GATB: variants seen among roughly 807,000 people sequenced by gnomAD.
GATB encodes glutamyl-tRNA(Gln) amidotransferase subunit B, mitochondrial.
Under a neutral mutation model 62.3 loss-of-function variants are expected in GATB, and 39 were observed. The ratio of observed to expected loss-of-function variants is 0.63; its 90% CI spans 0.48 to 0.82. The LOEUF is 0.82. GATB is among the 40% of genes least tolerant of loss of function. The probability of loss-of-function intolerance (pLI) is 0.00; values close to 1 mark genes in which losing one functional copy is unlikely to be tolerated. For missense variants in GATB, 670 were observed against 684.0 expected (o/e 0.98, Z 0.23); for synonymous variants, 276 against 258.9 (o/e 1.07, Z -0.63).
At chr4:151,672,432 G>T (rs1578889718) in intron 12 of GATB, among the ~76,000 whole-genome samples, 2 of 152,126 alleles carry the variant, frequency 1.3e-5, no homozygotes, top group East Asian at 3.8e-4. Context: ...CAACAGATTC[G>T]AAATGCCAAC....
chr4:151,758,813 A>C lies in GATB; in HGVS notation c.286T>G (p.Leu96Val). 6.2e-7 allele frequency: 1 copy of C among 1,609,066 alleles called. No individual in the cohort carries two copies. The highest frequency in any genetic ancestry group is 8.5e-7 in the Non-Finnish European group (1 of 1,177,674). The stretch of plus-strand genomic sequence containing the variant: ...AGAGATGCATCAAAAAAAGAAACCA[A>C]AGAATTTGGAGGTGCTGAAAAGCGA... Reference protein sequence around the residue: ...QVRFSAPPNSLVSFFDASLPG... With the variant: ...QVRFSAPPNSVVSFFDASLPG... The change falls in exon 2 of 13, where the codon TTG becomes GTG. Residue 96 changes from leucine to valine, a missense_variant. Transcript: ENST00000263985.
intron 2 of GATB, among the ~76,000 whole-genome samples, chr4:151,731,772 G>C (rs1003288050): frequency 6.6e-6 from 1 of 150,938 alleles, no homozygotes; most frequent in African/African-American, 2.5e-5. Flanking sequence ...CTGTGACCCC[G>C]TCTGGGAGGT....
At chr4:151,725,833 T>C (rs1739127177) in intron 2 of GATB, among the ~76,000 whole-genome samples, 1 of 152,262 alleles carries the variant, frequency 6.6e-6, no homozygotes, top group Admixed American at 6.5e-5. Context: ...ATTGAATGTC[T>C]TTCTAAATAG....
intron 11 of GATB, chr4:151,673,899 G>A (rs1206504219): frequency 2.0e-5 from 3 of 152,202 alleles, no homozygotes; most frequent in African/African-American, 7.2e-5. Context: ...ATTCCTCCTG[G>A]AAAAACAGAG....
At chr4:151,691,296 T>G (rs1192522664) in intron 9 of GATB, among the ~76,000 whole-genome samples, 1 of 152,078 alleles carries the variant, frequency 6.6e-6, no homozygotes, top group Non-Finnish European at 1.5e-5. Context: ...GAGAGTCAAG[T>G]TCCCTGGCTG....
intron 10 of GATB, among the ~76,000 whole-genome samples, chr4:151,686,090 C>T (rs1738239056): frequency 6.6e-6 from 1 of 152,038 alleles, no homozygotes; most frequent in African/African-American, 2.4e-5. Context: ...AAAGAGGCAG[C>T]AGATGCCACA....
chr4:151,715,037 A>C (rs1168529240), intron 5 of GATB, among the ~76,000 whole-genome samples: 1 of 152,214 alleles, frequency 6.6e-6, no homozygotes, highest in Non-Finnish European at 1.5e-5. Flanking sequence ...TATGTGACAA[A>C]TGTGGCATTA....
chr4:151,700,463 ATGT>A (rs1296467323), intron 9 of GATB, among the ~76,000 whole-genome samples: 1 of 152,188 alleles, frequency 6.6e-6, no homozygotes, highest in Non-Finnish European at 1.5e-5. Context: ...AAATGCTAGG[ATGT>A]TGTTATTGGA....
In GATB at chr4:151,730,930, C is replaced by T. The variant is rs2126985809; in HGVS notation, c.328-11392G>A. Reference sequence around the variant, plus strand: ...AATGAATCCAAATCAAGAAGAAATCCCTGATTTACCTGAAAAAGAATTCAG... The same window carrying T: ...AATGAATCCAAATCAAGAAGAAATCTCTGATTTACCTGAAAAAGAATTCAG... On this transcript the variant is annotated intron_variant, in intron 2 of 12. Transcript: ENST00000263985. This position sits in a 1 kb window ranked among gnomAD's most constrained non-coding sequence, Gnocchi z 4.1. Among the ~76,000 whole-genome samples the T allele has an allele frequency of 6.6e-6, 1 of 152,274 alleles. No individual in the cohort carries two copies. The highest frequency in any genetic ancestry group is 1.9e-4 in the East Asian group (1 of 5,188).
chr4:151,755,406 A>G (rs565038532), intron 2 of GATB, among the ~76,000 whole-genome samples: 2 of 152,286 alleles, frequency 1.3e-5, no homozygotes, highest in East Asian at 3.9e-4. Flanking sequence ...GGTTACTTCC[A>G]ATTTTCTACC....
intron 8 of GATB, among the ~76,000 whole-genome samples, chr4:151,702,272 A>AATTTATGT (rs1466893534): frequency 1.3e-5 from 2 of 152,206 alleles, no homozygotes; most frequent in African/African-American, 4.8e-5. Flanking sequence ...CATAAATAAA[A>AATTTATGT]AATGAAAGGA....
intron 6 of GATB, 25 bp from the exon 7 acceptor site, chr4:151,705,294 A>G: frequency 1.4e-6 from 2 of 1,473,412 alleles, no homozygotes; most frequent in Non-Finnish European, 1.9e-6. Flanking sequence ...CTAATTTAGC[A>G]TCATATTTTG....
intron 10 of GATB, among the ~76,000 whole-genome samples, chr4:151,688,128 A>T (rs1738288891): frequency 6.6e-6 from 1 of 151,864 alleles, no homozygotes; most frequent in African/African-American, 2.4e-5. Flanking sequence ...CTGCTCTCTG[A>T]GCTTCGCACT....
At chr4:151,672,334 A>G (rs139430717) in intron 12 of GATB, among the ~76,000 whole-genome samples, 8 of 152,318 alleles carry the variant, frequency 5.3e-5, no homozygotes, top group African/African-American at 1.4e-4. Context: ...TCTTAGAAGC[A>G]TGAAGCTGAA....
At chr4:151,717,828 G>A (rs943939723) in intron 3 of GATB, among the ~76,000 whole-genome samples, 1 of 152,192 alleles carries the variant, frequency 6.6e-6, no homozygotes, top group Non-Finnish European at 1.5e-5. Context: ...TAAAAGCAAA[G>A]GCATCTGTGG....
rs1578905340 is a variant in GATB, at chr4:151,694,836, A to G, written c.1198-6073T>C. On this transcript the variant is annotated intron_variant, in intron 9 of 12. Transcript: ENST00000263985. ...AAGCAAACCTGGTCATTTCTGGCTTACTAGCCACTTAAAGGAAAATTCTTG... is the reference window on the plus strand; with the variant it reads ...AAGCAAACCTGGTCATTTCTGGCTTGCTAGCCACTTAAAGGAAAATTCTTG... 3.3e-5 allele frequency among the ~76,000 whole-genome samples: 5 copies of G among 152,260 alleles called. No homozygotes were observed. The South Asian group carries it at 1.0e-3, about 31-fold the overall frequency.
chr4:151,706,551 G>C (rs889846675), intron 6 of GATB, among the ~76,000 whole-genome samples: 1 of 152,094 alleles, frequency 6.6e-6, no homozygotes, highest in African/African-American at 2.4e-5. Flanking sequence ...TCCCTTTCCG[G>C]ATGCAGAACA....
intron 2 of GATB, among the ~76,000 whole-genome samples, chr4:151,749,663 A>G (rs1487912001): frequency 6.6e-6 from 1 of 152,030 alleles, no homozygotes; most frequent in Non-Finnish European, 1.5e-5. Context: ...AAACAAAAAG[A>G]AAAAAGAAAA....
intron 5 of GATB, among the ~76,000 whole-genome samples, chr4:151,714,987 C>A (rs570420138): frequency 1.1e-4 from 16 of 152,238 alleles, no homozygotes; most frequent in Non-Finnish European, 1.9e-4. Flanking sequence ...CAACATGTAC[C>A]AGGGCTCTGA....
Sources: allele counts gnomAD v4.1 joint callset (sites outside exome capture counted in the v4.1 genomes callset), GRCh38; gene constraint gnomAD v4.1.1; non-coding constraint Gnocchi (gnomAD v3.1); transcripts MANE v1.5; gene names NCBI Gene and HGNC (gene_info 2026-07-23, HGNC 2026-07-21).